HS3ST4: variants seen among roughly 807,000 people sequenced by gnomAD.
HS3ST4 encodes the protein heparan sulfate-glucosamine 3-sulfotransferase 4.
HS3ST4 carries 17 observed loss-of-function variants against 29.2 expected under a neutral mutation model. That is an observed-to-expected ratio of 0.58 (90% CI 0.40 to 0.87). HS3ST4 has a LOEUF of 0.87. Among genes scored for constraint, HS3ST4 ranks in the 40% least tolerant of loss-of-function variants. The probability of loss-of-function intolerance (pLI) is 0.00; values close to 1 mark genes in which losing one functional copy is unlikely to be tolerated. For synonymous variants in HS3ST4, 314 were observed against 285.7 expected, an observed-to-expected ratio of 1.10 and a Z score of -1.00; for missense variants, 627 against 634.5, an observed-to-expected ratio of 0.99 and a Z score of 0.13.
chr16:25,956,858 T>C (rs896309696), intron 1 of HS3ST4, among the ~76,000 whole-genome samples: 8 of 151,228 alleles, frequency 5.3e-5, no homozygotes, highest in Admixed American at 5.3e-4. Context: ...ATTAGCCAGG[T>C]TTGGTGGTGG....
At chr16:25,850,689 G>T (rs1967511192) in intron 1 of HS3ST4, among the ~76,000 whole-genome samples, 1 of 152,166 alleles carries the variant, frequency 6.6e-6, no homozygotes, top group South Asian at 2.1e-4. Flanking sequence ...AGACTCCGGG[G>T]TCTCCAAGGT....
intron 1 of HS3ST4, among the ~76,000 whole-genome samples, chr16:26,028,423 A>G (rs1412350696): frequency 6.6e-6 from 1 of 152,236 alleles, no homozygotes; most frequent in East Asian, 1.9e-4. Context: ...CTAGTTATCA[A>G]GAAGAGAGAC....
At chr16:25,834,394 G>T (rs1465517677) in intron 1 of HS3ST4, among the ~76,000 whole-genome samples, 2 of 152,172 alleles carry the variant, frequency 1.3e-5, no homozygotes, top group Admixed American at 1.3e-4. Context: ...GCATTGAGGT[G>T]CAAAAAGAAT....
chr16:25,983,307 GA>G (rs1172124457), intron 1 of HS3ST4, among the ~76,000 whole-genome samples: 2 of 152,154 alleles, frequency 1.3e-5, no homozygotes, highest in Non-Finnish European at 2.9e-5. Flanking sequence ...CCCCCTTGCT[GA>G]ATATGACCTT....
intron 1 of HS3ST4, among the ~76,000 whole-genome samples, chr16:25,972,661 C>T (rs1014248428): frequency 2.0e-5 from 3 of 152,170 alleles, no homozygotes; most frequent in African/African-American, 7.2e-5. Context: ...CTTTTGTTAC[C>T]TAATCTTGGG....
chr16:25,699,257 G>A (rs949676154), intron 1 of HS3ST4, among the ~76,000 whole-genome samples: 4 of 152,158 alleles, frequency 2.6e-5, no homozygotes, highest in African/African-American at 7.2e-5. Flanking sequence ...TTAGTGTAGG[G>A]TTTTTTCTTT....
intron 1 of HS3ST4, among the ~76,000 whole-genome samples, chr16:26,108,452 A>G (rs142033424): frequency 6.6e-6 from 1 of 152,332 alleles, no homozygotes; most frequent in African/African-American, 2.4e-5. Flanking sequence ...TTGATGCTTA[A>G]CCATAACCAA....
intron 1 of HS3ST4, among the ~76,000 whole-genome samples, chr16:25,724,156 T>C (rs1260251940): frequency 6.6e-6 from 1 of 150,808 alleles, no homozygotes; most frequent in Non-Finnish European, 1.5e-5. Context: ...CTGCCATTGT[T>C]TCCCCCAAAA....
chr16:25,933,742 C>T (rs1968487915), intron 1 of HS3ST4, among the ~76,000 whole-genome samples: 1 of 152,074 alleles, frequency 6.6e-6, no homozygotes, highest in African/African-American at 2.4e-5. Context: ...AAGCTTCCAA[C>T]CATGGCAGAA....
At chr16:25,982,440 A>G (rs1969016811) in intron 1 of HS3ST4, among the ~76,000 whole-genome samples, 1 of 152,164 alleles carries the variant, frequency 6.6e-6, no homozygotes, top group Non-Finnish European at 1.5e-5. Context: ...CCTTTGTCAC[A>G]AGCAGGTGTC....
intron 1 of HS3ST4, among the ~76,000 whole-genome samples, chr16:26,061,170 T>C (rs1020860521): frequency 6.6e-6 from 1 of 152,250 alleles, no homozygotes; most frequent in Non-Finnish European, 1.5e-5. Context: ...AAGTTCTTCT[T>C]ATCTTTCTTC....
At chr16:26,104,876 T>C (rs1258052969) in intron 1 of HS3ST4, among the ~76,000 whole-genome samples, 1 of 152,198 alleles carries the variant, frequency 6.6e-6, no homozygotes, top group Non-Finnish European at 1.5e-5. Flanking sequence ...TTGGTTCTTC[T>C]CTTTCTCCCA....
At chr16:26,104,055 T>G (rs1320397227) in intron 1 of HS3ST4, among the ~76,000 whole-genome samples, 1 of 152,198 alleles carries the variant, frequency 6.6e-6, no homozygotes, top group Non-Finnish European at 1.5e-5. Context: ...TTGACTGTAT[T>G]TAGAACTCCC....
chr16:26,098,827 T>G (rs924202063), intron 1 of HS3ST4, among the ~76,000 whole-genome samples: 1 of 151,856 alleles, frequency 6.6e-6, no homozygotes, highest in African/African-American at 2.4e-5. Flanking sequence ...ATGGTATGAT[T>G]GATGGATAGA....
At chr16:26,125,864 C>T (rs61499034) in intron 1 of HS3ST4, among the ~76,000 whole-genome samples, 5 of 152,286 alleles carry the variant, frequency 3.3e-5, no homozygotes, top group African/African-American at 4.8e-5. Context: ...TTTAAATGTA[C>T]GCCTGGAACC....
chr16:25,715,185 G>C (rs1043890667), intron 1 of HS3ST4, among the ~76,000 whole-genome samples: 1 of 151,786 alleles, frequency 6.6e-6, no homozygotes, highest in Non-Finnish European at 1.5e-5. Context: ...AGCCGGGCGC[G>C]GTGGCGGGCG....
intron 1 of HS3ST4, among the ~76,000 whole-genome samples, chr16:25,709,574 G>A (rs1966402481): frequency 6.6e-6 from 1 of 152,054 alleles, no homozygotes; most frequent in South Asian, 2.1e-4. Flanking sequence ...GGAGATAGAG[G>A]ACCTAGGTTC....
At chr16:26,009,396 A>G (rs1281569954) in intron 1 of HS3ST4, among the ~76,000 whole-genome samples, 5 of 152,240 alleles carry the variant, frequency 3.3e-5, no homozygotes, top group African/African-American at 1.2e-4. Context: ...ATTGCTCCTG[A>G]AACATGTTGA....
chr16:25,770,605 G>A (rs1274505366), intron 1 of HS3ST4, among the ~76,000 whole-genome samples: 2 of 152,158 alleles, frequency 1.3e-5, no homozygotes. Context: ...GTGTGGAGTG[G>A]AACAGGGCCT....
Sources: allele counts gnomAD v4.1 joint callset (sites outside exome capture counted in the v4.1 genomes callset), GRCh38; gene constraint gnomAD v4.1.1; transcripts MANE v1.5; gene names NCBI Gene and HGNC (gene_info 2026-07-23, HGNC 2026-07-21).